The following PTAR1 variants were observed in gnomAD, a reference collection of about 807,000 sequenced individuals.
The protein encoded by PTAR1 is protein prenyltransferase alpha subunit repeat containing 1, also known as protein prenyltransferase alpha subunit repeat-containing protein 1.
PTAR1 carries 17 observed loss-of-function variants against 45.5 expected under a neutral mutation model. The ratio of observed to expected loss-of-function variants is 0.37; its 90% CI spans 0.26 to 0.56. The LOEUF (loss-of-function observed/expected upper bound fraction) is 0.56. PTAR1 is among the 20% of genes least tolerant of loss of function. The probability of loss-of-function intolerance (pLI) is 0.77; values close to 1 mark genes in which losing one functional copy is unlikely to be tolerated. For synonymous variants in PTAR1, 169 were observed against 171.3 expected (o/e 0.99, Z 0.11); for missense variants, 391 against 476.3 (o/e 0.82, Z 1.67).
intron 3 of PTAR1, among the ~76,000 whole-genome samples, chr9:69,736,219 AACTC>A (rs1825780719): frequency 6.6e-6 from 1 of 152,196 alleles, no homozygotes; most frequent in Admixed American, 6.5e-5. Context: ...CTGAGTCAGA[AACTC>A]AGGTGGGCAC....
At chr9:69,739,095 C>A (rs556157071) in intron 3 of PTAR1, among the ~76,000 whole-genome samples, 10 of 152,280 alleles carry the variant, frequency 6.6e-5, no homozygotes, top group African/African-American at 2.4e-4. Context: ...CGTGAGCCAC[C>A]ATGCCCGGCC....
chr9:69,759,411 C>T (rs1032384239), intron 1 of PTAR1, among the ~76,000 whole-genome samples: 2 of 152,084 alleles, frequency 1.3e-5, no homozygotes, highest in Non-Finnish European at 2.9e-5. Context: ...GGGTTTGAGG[C>T]TCATTAAAAG....
Position 69,741,920 on chromosome 9 carries a change from A to ATT in PTAR1, c.257-64_257-63dup, listed in dbSNP as rs1286466988. ...CCTACCTTTTAAAGCTTGGCTTCTC[A>ATT]TTCTTTTAAGGTTCTCTTTCTCTCT... On this transcript the variant is annotated intron_variant, in intron 2 of 7. Coordinates refer to ENST00000340434, the MANE Select transcript of PTAR1 (RefSeq NM_001099666.2). 3.6e-5 allele frequency: 37 copies of ATT among 1,038,254 alleles called. No individual in the cohort carries two copies. The Admixed American group carries it at 6.1e-4, about 17-fold the overall frequency. The allele number at this position is 1,038,254 out of a possible 1,614,324, so 64.3% of individuals were successfully genotyped here.
chr9:69,727,064 CAT>C (rs146949927), intron 5 of PTAR1, among the ~76,000 whole-genome samples: 11 of 150,734 alleles, frequency 7.3e-5, no homozygotes, highest in Non-Finnish European at 4.4e-5. Context: ...TATACACACA[CAT>C]ATATATATAC....
chr9:69,736,621 C>A (rs974697781), intron 3 of PTAR1, among the ~76,000 whole-genome samples: 2 of 152,024 alleles, frequency 1.3e-5, no homozygotes, highest in Non-Finnish European at 2.9e-5. Flanking sequence ...AAATTTAAGA[C>A]CTCTTATTAT....
rs1158118638 is a variant in PTAR1, at chr9:69,711,008, T to TA, written c.*7333dup. ...CTCCATGTTAAATTATGCAATTGAC[T>TA]AGTGTCCACAAAATTCGAGTCAAAA... On this transcript the variant is annotated 3_prime_UTR_variant, in exon 8 of 8. Transcript: ENST00000340434. 7 of 152,148 alleles carry TA rather than the reference T, an allele frequency of 4.6e-5. No individual in the cohort carries two copies. The highest frequency in any genetic ancestry group is 1.4e-4 in the African/African-American group (6 of 41,446). 9.4% of individuals were successfully genotyped at this position (152,148 alleles called of 1,614,324 possible).
chr9:69,749,740 T>A, intron 2 of PTAR1, among the ~76,000 whole-genome samples: 1 of 152,114 alleles, frequency 6.6e-6, no homozygotes. Context: ...GAAATCAGTA[T>A]GTCATACATT....
At chr9:69,759,157 C>A (rs906324224) in intron 1 of PTAR1, among the ~76,000 whole-genome samples, 1 of 152,198 alleles carries the variant, frequency 6.6e-6, no homozygotes, top group Non-Finnish European at 1.5e-5. Flanking sequence ...TTAAAGAGGG[C>A]AGCAGTGTTG....
At chr9:69,720,589 A>C (rs1684552589) in intron 6 of PTAR1, among the ~76,000 whole-genome samples, 1 of 152,218 alleles carries the variant, frequency 6.6e-6, no homozygotes, top group Non-Finnish European at 1.5e-5. Context: ...AGAGATTTGC[A>C]ATGTAGATGA....
At position 69,718,567 on chromosome 9, in the gene PTAR1, T is replaced by C. The variant is rs747817131; in HGVS notation, c.984A>G (p.Ala328=). The change falls in exon 8 of 8, where the codon GCA becomes GCG. Residue 328 remains alanine (A), a splice_region_variant and synonymous_variant. Coordinates refer to ENST00000340434, the MANE Select transcript of PTAR1 (RefSeq NM_001099666.2). ...HIFYLQHHLN[A]GSQLSQAMEV... ...CCATTGCTTGAGACAGCTGGGAGCC[T>C]GCTGGGATAAGGTGCAAGTCACTCA... 1 of 1,613,624 alleles carries C rather than the reference T, an allele frequency of 6.2e-7. No homozygotes were observed. The highest frequency in any genetic ancestry group is 8.5e-7 in the Non-Finnish European group (1 of 1,179,630).
intron 2 of PTAR1, among the ~76,000 whole-genome samples, chr9:69,744,462 T>G (rs1339039254): frequency 6.6e-6 from 1 of 151,904 alleles, no homozygotes; most frequent in Non-Finnish European, 1.5e-5. Flanking sequence ...CTTGGCTCAC[T>G]GCAACCTCTG....
intron 6 of PTAR1, among the ~76,000 whole-genome samples, chr9:69,719,398 A>C (rs1824883011): frequency 6.6e-6 from 1 of 152,158 alleles, no homozygotes; most frequent in South Asian, 2.1e-4. Context: ...CAAAAATTTC[A>C]ATTCAGTGGG....
At chr9:69,738,811 T>TTC (rs1291781766) in intron 3 of PTAR1, among the ~76,000 whole-genome samples, 2 of 57,030 alleles carry the variant, frequency 3.5e-5, no homozygotes, top group Admixed American at 3.4e-4. Flanking sequence ...ACACCTCAAT[T>TTC]TTTTTTTTTT....
rs1223257718 is a variant in PTAR1 at position 69,718,353 on chromosome 9, A to C, written c.1198T>G (p.Leu400Val). ...CTAATTCACCTCTTTCATTGACTCA[A>C]AGTAACCAGCCATTTCCTGTATGCA... ...ASAYRKWLVTLSQ is the reference protein window; with the variant it reads ...ASAYRKWLVTVSQ The change falls in exon 8 of 8, where the codon TTG becomes GTG. Residue 400 changes from leucine to valine, a missense_variant. Around this residue, in one of 5 missense-constraint regions of PTAR1, gnomAD observed 181 missense variants for 227.7 expected, o/e 0.80. Coordinates refer to ENST00000340434, the MANE Select transcript of PTAR1 (RefSeq NM_001099666.2). 1 of 1,601,100 alleles carries C rather than the reference A, an allele frequency of 6.2e-7. No individual in the cohort carries two copies. The highest frequency in any genetic ancestry group is 8.5e-7 in the Non-Finnish European group (1 of 1,171,740).
chr9:69,744,598 G>A (rs1826189304), intron 2 of PTAR1, among the ~76,000 whole-genome samples: 1 of 151,922 alleles, frequency 6.6e-6, no homozygotes, highest in African/African-American at 2.4e-5. Context: ...GTTGCCCAGG[G>A]TGGTCTTGAA....
intron 2 of PTAR1, among the ~76,000 whole-genome samples, chr9:69,745,893 T>C (rs752339196): frequency 1.3e-5 from 2 of 152,212 alleles, no homozygotes; most frequent in African/African-American, 2.4e-5. Context: ...ACAAATGATA[T>C]TGGGACTGGA....
intron 5 of PTAR1, among the ~76,000 whole-genome samples, chr9:69,724,996 A>G (rs921148277): frequency 6.6e-6 from 1 of 152,196 alleles, no homozygotes; most frequent in Non-Finnish European, 1.5e-5. Flanking sequence ...AATGGAAAAC[A>G]GTATCTTTAT....
At chr9:69,743,644 T>C (rs1826135708) in intron 2 of PTAR1, among the ~76,000 whole-genome samples, 1 of 152,196 alleles carries the variant, frequency 6.6e-6, no homozygotes, top group Non-Finnish European at 1.5e-5. Flanking sequence ...TTTTTTACTT[T>C]TAGTAGTTTT....
chr9:69,749,381 G>T (rs567622860), intron 2 of PTAR1, among the ~76,000 whole-genome samples: 4 of 152,124 alleles, frequency 2.6e-5, no homozygotes, highest in African/African-American at 7.2e-5. Context: ...AAAATAACTT[G>T]ATGGAGTCAT....
Sources: allele counts gnomAD v4.1 joint callset (sites outside exome capture counted in the v4.1 genomes callset), GRCh38; gene constraint gnomAD v4.1.1; regional missense constraint gnomAD v4.1.1; transcripts MANE v1.5; gene names NCBI Gene and HGNC (gene_info 2026-07-23, HGNC 2026-07-21).